SNTG2: variants seen among roughly 807,000 people sequenced by gnomAD.
SNTG2 encodes syntrophin gamma 2, also known as gamma-2-syntrophin.
In SNTG2, 74 loss-of-function variants were observed where a neutral mutation model predicts 70.9. The observed-to-expected ratio is 1.04, with a 90% CI of 0.86 to 1.27. SNTG2 has a LOEUF of 1.27. Ranked by LOEUF, SNTG2 falls within the 50% of genes most tolerant of loss-of-function variation. The pLI is 0.00. For synonymous variants in SNTG2, 278 were observed against 273.8 expected, an observed-to-expected ratio of 1.02 and a Z score of -0.15; for missense variants, 717 against 690.7, an observed-to-expected ratio of 1.04 and a Z score of -0.43.
chr2:1,137,681 G>A lies in SNTG2; in HGVS notation c.369+16G>A, dbSNP rs79642551. On this transcript the variant is annotated intron_variant, in intron 5 of 16. Transcript: ENST00000308624. ...TGTTCTCCAGGTCAGTATTGTACAC[G>A]TTAATCCTTAACTTGATTGCATTTT... is the stretch of plus-strand genomic sequence containing the variant. 195,942 of 1,613,130 alleles carry A rather than the reference G, an allele frequency of 0.12. 12,776 individuals are homozygous for A. The highest frequency in any genetic ancestry group is 0.14 in the Admixed American group (8,409 of 59,902).
chr2:1,281,658 C>G (rs557345088), intron 14 of SNTG2, among the ~76,000 whole-genome samples: 12 of 152,216 alleles, frequency 7.9e-5, no homozygotes, highest in African/African-American at 2.9e-4. Flanking sequence ...CTGGCACTTG[C>G]TTTGCTGCCA....
chr2:1,320,514 G>C (rs1380961191), intron 16 of SNTG2, among the ~76,000 whole-genome samples: 4 of 129,134 alleles, frequency 3.1e-5, no homozygotes, highest in Non-Finnish European at 6.2e-5. Flanking sequence ...CAGCCTGAGT[G>C]ACAGAGCGAG....
chr2:960,081 C>T (rs1312657328), intron 1 of SNTG2, among the ~76,000 whole-genome samples: 1 of 152,162 alleles, frequency 6.6e-6, no homozygotes, highest in Non-Finnish European at 1.5e-5. Context: ...TTACCATCAT[C>T]CCCCTGCTTA....
At chr2:1,124,115 T>G in intron 4 of SNTG2, among the ~76,000 whole-genome samples, 1 of 130,342 alleles carries the variant, frequency 7.7e-6, no homozygotes, top group Non-Finnish European at 1.6e-5. Flanking sequence ...GCTAAGAAAA[T>G]TATCTTGTTT....
chr2:1,050,068 C>T (rs555472988), intron 1 of SNTG2, among the ~76,000 whole-genome samples: 11 of 151,942 alleles, frequency 7.2e-5, no homozygotes, highest in Middle Eastern at 3.4e-3. Flanking sequence ...TTATTTTTAC[C>T]GATTTAGGAG....
At chr2:1,032,177 T>G (rs2148036803) in intron 1 of SNTG2, among the ~76,000 whole-genome samples, 1 of 152,212 alleles carries the variant, frequency 6.6e-6, no homozygotes, top group Middle Eastern at 3.4e-3. Flanking sequence ...GGAACAACGC[T>G]GCAGCGGGAC....
At chr2:1,199,937 T>C (rs1331638490) in intron 8 of SNTG2, among the ~76,000 whole-genome samples, 4 of 152,048 alleles carry the variant, frequency 2.6e-5, no homozygotes, top group Non-Finnish European at 4.4e-5. Context: ...ATGACCATAT[T>C]TCCTAAAGCA....
chr2:1,030,267 C>T (rs533064886), intron 1 of SNTG2, among the ~76,000 whole-genome samples: 8 of 152,234 alleles, frequency 5.3e-5, no homozygotes, highest in Non-Finnish European at 1.0e-4. Flanking sequence ...TGGTGCAGTG[C>T]GTGTGTTAGA....
intron 2 of SNTG2, among the ~76,000 whole-genome samples, chr2:1,091,834 G>C (rs1665049964): frequency 6.6e-6 from 1 of 152,202 alleles, no homozygotes; most frequent in South Asian, 2.1e-4. Context: ...ATATGCACAA[G>C]AGTTTTCAAG....
intron 1 of SNTG2, among the ~76,000 whole-genome samples, chr2:1,063,715 T>G (rs1662970513): frequency 6.6e-6 from 1 of 152,062 alleles, no homozygotes; most frequent in African/African-American, 2.4e-5. Flanking sequence ...AATACTGAAA[T>G]TGAAGATAGA....
chr2:1,360,069 T>C (rs4362602), intron 16 of SNTG2, among the ~76,000 whole-genome samples: 109,700 of 151,998 alleles, frequency 0.72, 39,884 homozygotes, highest in East Asian at 0.94. Context: ...AAAAAAAAAG[T>C]ACATTAAATG....
intron 10 of SNTG2, 90 bp downstream of exon 10, chr2:1,238,107 A>G: frequency 6.9e-7 from 1 of 1,452,116 alleles, no homozygotes; most frequent in Non-Finnish European, 9.3e-7. Context: ...TTTATGATTA[A>G]CCCGAAACAG....
At chr2:1,062,115 A>G (rs1435701125) in intron 1 of SNTG2, among the ~76,000 whole-genome samples, 1 of 152,200 alleles carries the variant, frequency 6.6e-6, no homozygotes, top group African/African-American at 2.4e-5. Context: ...ACACCATTTG[A>G]CTGAAAATAA....
chr2:1,073,220 C>T (rs1047021225), intron 1 of SNTG2, among the ~76,000 whole-genome samples: 1 of 152,090 alleles, frequency 6.6e-6, no homozygotes, highest in Admixed American at 6.5e-5. Flanking sequence ...AAAATTCTAC[C>T]AAACAGCATC....
At chr2:1,324,940 T>A (rs538646434) in intron 16 of SNTG2, among the ~76,000 whole-genome samples, 1 of 152,328 alleles carries the variant, frequency 6.6e-6, no homozygotes, top group South Asian at 2.1e-4. Flanking sequence ...TCCTTCCTTT[T>A]CAAGTTCCCA....
chr2:1,058,598 A>T (rs1371239445), intron 1 of SNTG2, among the ~76,000 whole-genome samples: 1 of 152,204 alleles, frequency 6.6e-6, no homozygotes, highest in Non-Finnish European at 1.5e-5. Flanking sequence ...CTTTTGTCTG[A>T]TTAAAGTTTG....
intron 1 of SNTG2, among the ~76,000 whole-genome samples, chr2:1,061,684 C>G (rs1260829051): frequency 6.6e-6 from 1 of 152,154 alleles, no homozygotes; most frequent in African/African-American, 2.4e-5. Flanking sequence ...TAACGAAGTC[C>G]TTTAGTCCTT....
intron 1 of SNTG2, among the ~76,000 whole-genome samples, chr2:966,455 AT>A (rs140016241): frequency 0.22 from 32,713 of 151,932 alleles, 4,205 homozygotes; most frequent in African/African-American, 0.36. Context: ...GATGGTGAGA[AT>A]TCTTTAAGGA....
intron 14 of SNTG2, among the ~76,000 whole-genome samples, chr2:1,286,897 T>A (rs1281289644): frequency 3.9e-5 from 6 of 152,236 alleles, no homozygotes; most frequent in Non-Finnish European, 8.8e-5. Flanking sequence ...ACAGGTTACC[T>A]GAGTGTCACT....
Sources: allele counts gnomAD v4.1 joint callset (sites outside exome capture counted in the v4.1 genomes callset), GRCh38; gene constraint gnomAD v4.1.1; transcripts MANE v1.5; gene names NCBI Gene and HGNC (gene_info 2026-07-23, HGNC 2026-07-21).